The following GRHL3 variants were observed in gnomAD, a reference collection of about 807,000 sequenced individuals.
GRHL3 encodes grainyhead like transcription factor 3, also known as grainyhead-like protein 3 homolog.
GRHL3 carries 20 observed loss-of-function variants against 70.3 expected under a neutral mutation model. That is an observed-to-expected ratio of 0.28 (90% CI 0.20 to 0.41). The LOEUF (loss-of-function observed/expected upper bound fraction) is 0.41, where lower values mean the gene tolerates loss of function less well. GRHL3 is among the 10% of genes least tolerant of loss of function. The pLI, the probability that GRHL3 is intolerant of heterozygous loss-of-function variation, is 1.00. For synonymous variants in GRHL3, 299 were observed against 299.9 expected (o/e 1.00, Z 0.03); for missense variants, 637 against 762.3 (o/e 0.84, Z 1.94).
At chr1:24,320,649 T>C (rs959820539) in intron 1 of GRHL3, among the ~76,000 whole-genome samples, 3 of 152,252 alleles carry the variant, frequency 2.0e-5, no homozygotes, top group African/African-American at 7.2e-5. Flanking sequence ...ACAGCAGTGC[T>C]AGGTCCTGAC....
chr1:24,320,568 G>A (rs998474627), intron 1 of GRHL3, among the ~76,000 whole-genome samples: 2 of 152,160 alleles, frequency 1.3e-5, no homozygotes, highest in East Asian at 3.8e-4. Context: ...GTGGGCAGAG[G>A]CAAGGATTGT....
intron 14 of GRHL3, among the ~76,000 whole-genome samples, chr1:24,348,211 C>T (rs1640368453): frequency 6.6e-6 from 1 of 152,238 alleles, no homozygotes; most frequent in Non-Finnish European, 1.5e-5. Context: ...GCTAGCTGAC[C>T]TTTGTTGAAG....
chr1:24,358,555 G>A (rs765488575), downstream of GRHL3: 3 of 1,613,900 alleles, frequency 1.9e-6, no homozygotes, highest in Non-Finnish European at 2.5e-6. Context: ...ACAGAACCGG[G>A]ATCCATTTCT....
At chr1:24,336,359 G>T in intron 3 of GRHL3, 123 bp from the exon 4 acceptor site, 1 of 650,442 alleles carries the variant, frequency 1.5e-6, no homozygotes, top group Non-Finnish European at 2.7e-6. Context: ...TTTCGTGCAT[G>T]CTGGATGGAC....
chr1:24,352,245 A>C (rs1289938408), intron 15 of GRHL3, among the ~76,000 whole-genome samples: 1 of 152,190 alleles, frequency 6.6e-6, no homozygotes, highest in Non-Finnish European at 1.5e-5. Flanking sequence ...TCATGTGAGA[A>C]ACAGGAAATT....
chr1:24,348,399 G>A (rs991808912), intron 14 of GRHL3, among the ~76,000 whole-genome samples: 1 of 152,194 alleles, frequency 6.6e-6, no homozygotes, highest in Non-Finnish European at 1.5e-5. Context: ...GAGCCGGGAT[G>A]CCAGCCCAGG....
chr1:24,354,358 C>T lies in GRHL3; in HGVS notation c.1695-16C>T. The T allele has an allele frequency of 1.3e-6, 2 of 1,578,450 alleles. No homozygotes were observed. The highest frequency in any genetic ancestry group is 1.7e-6 in the Non-Finnish European group (2 of 1,147,676). ...GCGCCTGCTGTGTTCCAACCACATC[C>T]CCTCTTCCATTCCAGAATCTTAGTC... is the stretch of plus-strand genomic sequence containing the variant. On this transcript the variant is annotated splice_polypyrimidine_tract_variant and intron_variant, in intron 15 of 15. Transcript: ENST00000361548.
intron 5 of GRHL3, 40 bp from the exon 6 acceptor site, chr1:24,337,596 T>A (rs1258070959): frequency 1.2e-6 from 2 of 1,609,630 alleles, no homozygotes; most frequent in Non-Finnish European, 1.7e-6. Flanking sequence ...ACTTCCTGCC[T>A]GGGAGCCCAG....
intron 13 of GRHL3, 32 bp from the exon 14 acceptor site, chr1:24,347,436 T>C: frequency 6.4e-7 from 1 of 1,563,486 alleles, no homozygotes; most frequent in East Asian, 2.2e-5. Context: ...CACATTATCT[T>C]CCTTGCACTC....
chr1:24,358,553 G>A (rs753421357), downstream of GRHL3: 5 of 1,613,716 alleles, frequency 3.1e-6, no homozygotes, highest in African/African-American at 1.3e-5. Context: ...CTACAGAACC[G>A]GGATCCATTT....
intron 12 of GRHL3, 75 bp downstream of exon 12, chr1:24,345,006 GCCTCCGCCACACCTGTGC>G (rs1640198427): frequency 5.0e-6 from 7 of 1,410,922 alleles, no homozygotes; most frequent in Admixed American, 1.9e-5. Context: ...CCACACCTGT[GCCTCCGCCACACCTGTGC>G]CCCCTCTACA....
chr1:24,347,881 G>T (rs942885026), intron 14 of GRHL3, among the ~76,000 whole-genome samples: 2 of 152,174 alleles, frequency 1.3e-5, no homozygotes, highest in African/African-American at 4.8e-5. Flanking sequence ...ACCCAAAAAG[G>T]CCAGGCCCCA....
chr1:24,358,655 G>A, downstream of GRHL3: 1 of 1,532,596 alleles, frequency 6.5e-7, no homozygotes, highest in Non-Finnish European at 9.0e-7. Context: ...CATTAAGAGA[G>A]AAAAGGCCCA....
At chr1:24,362,146 A>C (rs1016058300) in intron 15 of GRHL3, among the ~76,000 whole-genome samples, 3 of 152,190 alleles carry the variant, frequency 2.0e-5, no homozygotes, top group Non-Finnish European at 4.4e-5. Context: ...ATCCAAGCAA[A>C]GGAGGGGACT....
chr1:24,361,789 C>A (rs1641135742), intron 15 of GRHL3, among the ~76,000 whole-genome samples: 1 of 152,160 alleles, frequency 6.6e-6, no homozygotes, highest in South Asian at 2.1e-4. Flanking sequence ...AAAGACCGGA[C>A]CTGTACTTGA....
At chr1:24,337,013 C>A in intron 4 of GRHL3, 65 bp from the exon 5 acceptor site, 1 of 1,496,612 alleles carries the variant, frequency 6.7e-7, no homozygotes, top group Non-Finnish European at 9.3e-7. Flanking sequence ...AATGCACAGC[C>A]CTGGGCTGAG....
chr1:24,351,018 CAGTG>C (rs1303039614), intron 15 of GRHL3, among the ~76,000 whole-genome samples: 1 of 152,236 alleles, frequency 6.6e-6, no homozygotes, highest in African/African-American at 2.4e-5. Context: ...GGCCCCCAGA[CAGTG>C]AGGAATTGTC....
chr1:24,331,151 C>T (rs1328933654), intron 1 of GRHL3, among the ~76,000 whole-genome samples: 1 of 152,228 alleles, frequency 6.6e-6, no homozygotes, highest in East Asian at 1.9e-4. Flanking sequence ...ATTGAATCCA[C>T]TCTGTAGTCT....
At chr1:24,343,148 T>C in intron 11 of GRHL3, 123 bp downstream of exon 11, 1 of 1,082,126 alleles carries the variant, frequency 9.2e-7, no homozygotes, top group Admixed American at 2.0e-5. Context: ...AGACCTTTAT[T>C]GAATCATAGG....
Sources: allele counts gnomAD v4.1 joint callset (sites outside exome capture counted in the v4.1 genomes callset), GRCh38; gene constraint gnomAD v4.1.1; transcripts MANE v1.5; gene names NCBI Gene and HGNC (gene_info 2026-07-23, HGNC 2026-07-21).